Variants in CTTN observed in about 807,000 individuals in gnomAD.
CTTN encodes the protein src substrate cortactin.
Under a neutral mutation model 84.0 loss-of-function variants are expected in CTTN, and 28 were observed. The ratio of observed to expected loss-of-function variants is 0.33; its 90% CI spans 0.25 to 0.46. The LOEUF is 0.46. Ranked by LOEUF, CTTN falls within the 20% of genes least tolerant of loss-of-function variation. The pLI, the probability that CTTN is intolerant of heterozygous loss-of-function variation, is 1.00. For synonymous variants in CTTN, 301 were observed against 288.8 expected (o/e 1.04, Z -0.43); for missense variants, 641 against 723.8 (o/e 0.89, Z 1.31).
At position 70,407,411 on chromosome 11, in the gene CTTN, T is replaced by C. The variant is rs1003687334; in HGVS notation, c.87+27T>C. The C allele has an allele frequency of 4.3e-6, 7 of 1,612,002 alleles. No individual in the cohort carries two copies. In the South Asian group the frequency reaches 4.4e-5, roughly 10 times the overall value. Reference sequence around the variant, plus strand: ...TAGGAGCCGCCAGCCTTTGCTTTCCTCTTTCATGAAGTGGAAGTGGCTCTC... The same window carrying C: ...TAGGAGCCGCCAGCCTTTGCTTTCCCCTTTCATGAAGTGGAAGTGGCTCTC... On this transcript the variant is annotated intron_variant, in intron 3 of 17. Transcript: ENST00000301843.
chr11:70,422,590 C>T (rs1294149195), intron 11 of CTTN: 1 of 1,316,464 alleles, frequency 7.6e-7, no homozygotes, highest in Admixed American at 2.3e-5. Flanking sequence ...TAAGCCCGTG[C>T]TGGTGCGGAA....
chr11:70,436,315 T>C lies in CTTN; in HGVS notation c.*1153T>C. 1 of 1,598,280 alleles carries C rather than the reference T, an allele frequency of 6.3e-7. No individual in the cohort carries two copies. On this transcript the variant is annotated 3_prime_UTR_variant, in exon 18 of 18. Transcript: ENST00000301843. Reference sequence around the variant, plus strand: ...TCTCCTTCCTGAGGAGCCGGGAGGCTGGACCAGTCCCGTCGTGCAGTCAGG... The same window carrying C: ...TCTCCTTCCTGAGGAGCCGGGAGGCCGGACCAGTCCCGTCGTGCAGTCAGG...
chr11:70,422,957 G>T lies in CTTN; in HGVS notation c.919G>T (p.Gly307Cys). ...CGTTTCAGACTACTCCAAAGGATTCGGCGGGAAGTATGGGGTGCAGAAGGA... is the reference window on the plus strand; with the variant it reads ...CGTTTCAGACTACTCCAAAGGATTCTGCGGGAAGTATGGGGTGCAGAAGGA... ...ESQQDYSKGF[G>C]GKYGVQKDRM... Residue 307 changes from glycine (G) to cysteine (C), a missense_variant, in exon 12 of 18, where the codon GGC becomes TGC. Around this residue, in one of 3 missense-constraint regions of CTTN, gnomAD observed 289 missense variants for 273.1 expected, o/e 1.06. Coordinates refer to ENST00000301843, the MANE Select transcript of CTTN (RefSeq NM_005231.4). 8 of 1,614,070 alleles carry T rather than the reference G, an allele frequency of 5.0e-6. No individual in the cohort carries two copies. Among genetic ancestry groups the T allele is most frequent in the African/African-American group, 1.3e-5 (1 of 75,004 alleles).
intron 1 of CTTN, among the ~76,000 whole-genome samples, chr11:70,400,841 A>T (rs2057970020): frequency 6.6e-6 from 1 of 152,104 alleles, no homozygotes; most frequent in Admixed American, 6.5e-5. Context: ...GGCCCACCCC[A>T]TCTGCTCACG....
In CTTN at chr11:70,425,419, C is replaced by T. The variant is rs754238820; in HGVS notation, c.1027+18C>T. Reference sequence around the variant, plus strand: ...CGAAGCTGGTGAGTCCCGGCTGATACCAGGAGCACCGTGTGGTTTCCCAGG... The same window carrying T: ...CGAAGCTGGTGAGTCCCGGCTGATATCAGGAGCACCGTGTGGTTTCCCAGG... On this transcript the variant is annotated intron_variant, in intron 13 of 17. Coordinates refer to ENST00000301843, the MANE Select transcript of CTTN (RefSeq NM_005231.4). The T allele has an allele frequency of 1.3e-6, 2 of 1,598,490 alleles. No homozygotes were observed. The highest frequency in any genetic ancestry group is 1.3e-5 in the African/African-American group (1 of 74,816).
At chr11:70,412,436 A>C (rs182508644) in intron 5 of CTTN, among the ~76,000 whole-genome samples, 100 of 152,290 alleles carry the variant, frequency 6.6e-4, no homozygotes, top group African/African-American at 2.4e-3. Flanking sequence ...AAATAAATAG[A>C]TTAAACTCAG....
At chr11:70,406,640 A>G (rs2058043789) in intron 2 of CTTN, among the ~76,000 whole-genome samples, 1 of 152,196 alleles carries the variant, frequency 6.6e-6, no homozygotes, top group Admixed American at 6.5e-5. Context: ...CCAGTCTTCA[A>G]GGGCTGAGGG....
At chr11:70,416,952 CAAAAGG>C in intron 7 of CTTN, 55 bp from the exon 8 acceptor site, 1 of 1,207,802 alleles carries the variant, frequency 8.3e-7, no homozygotes, top group South Asian at 1.2e-5. Flanking sequence ...CTTAGTTTAA[CAAAAGG>C]AACAGTGTAG....
chr11:70,398,591 G>C lies in CTTN; in HGVS notation c.-121G>C. On this transcript the variant is annotated 5_prime_UTR_variant, in exon 1 of 18. Transcript: ENST00000301843. ...GCGCGGCGGAATCCAGGGCCGACCC[G>C]GGCCGGACCGACCCCAGGCGGCGGT... The C allele has an allele frequency of 6.6e-6, 1 of 152,264 alleles. No homozygotes were observed. Among genetic ancestry groups the C allele is most frequent in the African/African-American group, 2.4e-5 (1 of 41,548 alleles). 9.4% of individuals were successfully genotyped at this position (152,264 alleles called of 1,614,324 possible).
chr11:70,436,239 C>T lies in CTTN; in HGVS notation c.*1077C>T. 6.3e-7 allele frequency: 1 copy of T among 1,590,566 alleles called. No individual in the cohort carries two copies. Among genetic ancestry groups the T allele is most frequent in the East Asian group, 2.2e-5 (1 of 44,752 alleles). On this transcript the variant is annotated 3_prime_UTR_variant, in exon 18 of 18. Coordinates refer to ENST00000301843, the MANE Select transcript of CTTN (RefSeq NM_005231.4). ...CTTCCCCAAGGTCCCCCCACAGCTC[C>T]AGGACACCGCTGTCCTGGCATTTGT...
In CTTN at chr11:70,421,557, T is replaced by C; in HGVS notation, c.878T>C (p.Leu293Pro). 6.2e-7 allele frequency: 1 copy of C among 1,614,092 alleles called. No homozygotes were observed. The highest frequency in any genetic ancestry group is 8.5e-7 in the Non-Finnish European group (1 of 1,179,968). ...GTGGGGTTTGATTACAAGGAGAAGC[T>C]GGCCAAGCACGAGTCCCAGCAAGGC... ...AAVGFDYKEKLAKHESQQDYS... is the reference protein window; with the variant it reads ...AAVGFDYKEKPAKHESQQDYS... Residue 293 changes from leucine to proline, a missense_variant, in exon 11 of 18, where the codon CTG becomes CCG. By Grantham distance (98) the Leu-to-Pro change is moderately conservative. Coordinates refer to ENST00000301843, the MANE Select transcript of CTTN (RefSeq NM_005231.4).
chr11:70,410,437 C>T lies in CTTN; in HGVS notation c.291+477C>T, dbSNP rs115884374. 378 of 161,546 alleles carry T rather than the reference C, an allele frequency of 2.3e-3. 3 individuals carry two copies. Among genetic ancestry groups the T allele is most frequent in the African/African-American group, 8.4e-3 (354 of 41,942 alleles). 10.0% of individuals were successfully genotyped at this position (161,546 alleles called of 1,614,324 possible). A position where few individuals can be genotyped will look rare whatever the true frequency, so the allele number is the denominator to read the frequency against. On this transcript the variant is annotated intron_variant, in intron 5 of 17. Transcript: ENST00000301843. ...CAGTGACCATCAGAGCAGTCTCCCTCGTGTAAATTCGGCGCGTACCAGGCT... is the reference window on the plus strand; with the variant it reads ...CAGTGACCATCAGAGCAGTCTCCCTTGTGTAAATTCGGCGCGTACCAGGCT...
Position 70,422,559 on chromosome 11 carries a change from C to T in CTTN, c.902-381C>T, listed in dbSNP as rs756708966. ...TCTTTTTAGCGCTCAGTAGAGCAGG[C>T]GCACAGGAAGCAGATGAGAATAAGC... On this transcript the variant is annotated intron_variant, in intron 11 of 17. Coordinates refer to ENST00000301843, the MANE Select transcript of CTTN (RefSeq NM_005231.4). The T allele has an allele frequency of 3.8e-6, 5 of 1,299,982 alleles. No individual in the cohort carries two copies. The African/African-American group carries it at 4.5e-5, about 12-fold the overall frequency. 80.5% of individuals were successfully genotyped at this position (1,299,982 alleles called of 1,614,324 possible).
intron 7 of CTTN, 138 bp downstream of exon 7, chr11:70,415,855 G>A: frequency 1.3e-6 from 1 of 782,734 alleles, no homozygotes; most frequent in East Asian, 2.5e-5. Flanking sequence ...TTCCTGAGCG[G>A]TGGCTGTTGC....
At chr11:70,434,956 T>A in intron 17 of CTTN, 70 bp from the exon 18 acceptor site, 1 of 1,551,950 alleles carries the variant, frequency 6.4e-7, no homozygotes, top group South Asian at 1.1e-5. Flanking sequence ...TTGCTCTGGG[T>A]TGTGCTTTTT....
intron 13 of CTTN, among the ~76,000 whole-genome samples, chr11:70,426,996 A>G (rs1304111207): frequency 6.6e-6 from 1 of 151,824 alleles, no homozygotes; most frequent in East Asian, 2.0e-4. Context: ...TCGGCCTCTC[A>G]AAGTGCTGGG....
intron 6 of CTTN, 28 bp downstream of exon 6, chr11:70,414,680 C>G: frequency 1.9e-6 from 3 of 1,554,118 alleles, no homozygotes; most frequent in Non-Finnish European, 2.7e-6. Flanking sequence ...GGGACTGGGG[C>G]AGGTTGGGGC....
At chr11:70,426,234 C>T (rs1213523689) in intron 13 of CTTN, among the ~76,000 whole-genome samples, 7 of 152,048 alleles carry the variant, frequency 4.6e-5, no homozygotes, top group Admixed American at 2.6e-4. Context: ...GATGAAACCC[C>T]GTCTCTACTA....
rs138627680 is a variant in CTTN at position 70,430,089 on chromosome 11, C to T, written c.1176+890C>T. The stretch of plus-strand genomic sequence containing the variant: ...AAGCAAGGCCATAGATGCCAGGAAC[C>T]GTGCTAGGGTCTCAAGACCAGGGGT... On this transcript the variant is annotated intron_variant, in intron 14 of 17. Coordinates refer to ENST00000301843, the MANE Select transcript of CTTN (RefSeq NM_005231.4). Among the ~76,000 whole-genome samples the T allele has an allele frequency of 5.9e-3, 894 of 152,278 alleles. 5 individuals are homozygous for T. The highest frequency in any genetic ancestry group is 0.021 in the African/African-American group (859 of 41,552).
Sources: allele counts gnomAD v4.1 joint callset (sites outside exome capture counted in the v4.1 genomes callset), GRCh38; gene constraint gnomAD v4.1.1; regional missense constraint gnomAD v4.1.1; transcripts MANE v1.5; gene names NCBI Gene and HGNC (gene_info 2026-07-23, HGNC 2026-07-21).